TBC1D8: variants seen among roughly 807,000 people sequenced by gnomAD.
TBC1D8 encodes TBC1 domain family member 8.
Under a neutral mutation model 118.8 loss-of-function variants are expected in TBC1D8, and 65 were observed. That is an observed-to-expected ratio of 0.55 (90% CI 0.45 to 0.67). TBC1D8 has a LOEUF of 0.67. TBC1D8 is among the 30% of genes least tolerant of loss of function. TBC1D8 has a pLI of 0.00. For synonymous variants in TBC1D8, 566 were observed against 595.8 expected (o/e 0.95, Z 0.73); for missense variants, 1,376 against 1,471.2 (o/e 0.94, Z 1.06).
At chr2:101,042,187 G>A (rs1229059447) in intron 5 of TBC1D8, among the ~76,000 whole-genome samples, 1 of 152,086 alleles carries the variant, frequency 6.6e-6, no homozygotes, top group African/African-American at 2.4e-5. Flanking sequence ...TGATGAGGAG[G>A]AAAGAAGGAT....
intron 1 of TBC1D8, among the ~76,000 whole-genome samples, chr2:101,132,880 G>A (rs570624958): frequency 3.9e-5 from 6 of 152,024 alleles, no homozygotes; most frequent in Admixed American, 6.6e-5. Context: ...GATTACAGGC[G>A]TGAGCCACTG....
chr2:101,097,098 T>C (rs1676506126), intron 1 of TBC1D8, among the ~76,000 whole-genome samples: 1 of 151,962 alleles, frequency 6.6e-6, no homozygotes, highest in Non-Finnish European at 1.5e-5. Context: ...AAAAACAGCT[T>C]GAGGAACAAA....
At chr2:101,086,002 C>T (rs1425562521) in intron 2 of TBC1D8, among the ~76,000 whole-genome samples, 3 of 151,898 alleles carry the variant, frequency 2.0e-5, no homozygotes, top group Non-Finnish European at 4.4e-5. Flanking sequence ...ATTAGCTGGG[C>T]GTGGTGGCGG....
intron 2 of TBC1D8, among the ~76,000 whole-genome samples, chr2:101,077,581 A>C (rs1248817627): frequency 1.3e-5 from 2 of 152,118 alleles, no homozygotes; most frequent in African/African-American, 2.4e-5. Flanking sequence ...AGATCTCGTA[A>C]GAATTCACTC....
At chr2:101,126,812 T>C (rs1024119837) in intron 1 of TBC1D8, among the ~76,000 whole-genome samples, 7 of 152,184 alleles carry the variant, frequency 4.6e-5, no homozygotes, top group African/African-American at 1.4e-4. Context: ...ACAAGGTCAA[T>C]TGTAGAAAAC....
At chr2:101,021,892 T>C in intron 16 of TBC1D8, 146 bp from the exon 17 acceptor site, 1 of 641,508 alleles carries the variant, frequency 1.6e-6, no homozygotes, top group Admixed American at 2.7e-5. Flanking sequence ...ATGGTAGCAA[T>C]GAAAGTGTTA....
chr2:101,127,671 G>A (rs11683106), intron 1 of TBC1D8, among the ~76,000 whole-genome samples: 19,790 of 152,094 alleles, frequency 0.13, 1,452 homozygotes, highest in East Asian at 0.28. Context: ...CCAAAGTGCT[G>A]GGATTACAAA....
chr2:101,075,960 A>G (rs1464692606), intron 2 of TBC1D8, among the ~76,000 whole-genome samples: 1 of 152,202 alleles, frequency 6.6e-6, no homozygotes, highest in African/African-American at 2.4e-5. Context: ...ATGAAATGCT[A>G]AGAGCAGGGA....
intron 17 of TBC1D8, chr2:101,018,174 A>G (rs1679793642): frequency 5.0e-6 from 2 of 397,098 alleles, no homozygotes; most frequent in Non-Finnish European, 9.1e-6. Context: ...GTACTAATCT[A>G]TAATTATGTT....
At chr2:101,108,877 T>C (rs1170743116) in intron 1 of TBC1D8, among the ~76,000 whole-genome samples, 2 of 152,106 alleles carry the variant, frequency 1.3e-5, no homozygotes, top group East Asian at 1.9e-4. Context: ...AATGTAACAA[T>C]ATCAGTTCAT....
chr2:101,095,328 G>A (rs1676332050), intron 1 of TBC1D8, among the ~76,000 whole-genome samples: 1 of 149,892 alleles, frequency 6.7e-6, no homozygotes, highest in Non-Finnish European at 1.5e-5. Context: ...GTATACATGT[G>A]CCATGTTGGT....
intron 3 of TBC1D8, among the ~76,000 whole-genome samples, chr2:101,056,154 C>T (rs2166510): frequency 0.64 from 95,702 of 150,480 alleles, 30,869 homozygotes; most frequent in Middle Eastern, 0.75. Flanking sequence ...TTTTCAAAAT[C>T]AAACCCGAGC....
intron 5 of TBC1D8, among the ~76,000 whole-genome samples, chr2:101,050,032 T>A (rs1347271754): frequency 6.6e-6 from 1 of 152,082 alleles, no homozygotes; most frequent in Non-Finnish European, 1.5e-5. Context: ...TTTCACCATG[T>A]TAGGCAGGAT....
intron 2 of TBC1D8, among the ~76,000 whole-genome samples, chr2:101,076,401 G>A (rs1227085042): frequency 6.6e-6 from 1 of 152,220 alleles, no homozygotes. Context: ...ATAGGAGTGA[G>A]ACATCCAGAT....
At chr2:101,045,055 T>A (rs959042301) in intron 5 of TBC1D8, among the ~76,000 whole-genome samples, 2 of 152,100 alleles carry the variant, frequency 1.3e-5, no homozygotes, top group African/African-American at 4.8e-5. Context: ...TCTTAACACA[T>A]GCCATTGATG....
At chr2:101,070,351 T>G (rs1683243095) in intron 2 of TBC1D8, among the ~76,000 whole-genome samples, 2 of 151,590 alleles carry the variant, frequency 1.3e-5, no homozygotes, top group African/African-American at 4.8e-5. Flanking sequence ...TAAATACTAT[T>G]AAATATCTTG....
chr2:101,094,750 G>A (rs922664126), intron 1 of TBC1D8, among the ~76,000 whole-genome samples: 1 of 152,176 alleles, frequency 6.6e-6, no homozygotes, highest in Non-Finnish European at 1.5e-5. Context: ...AAAGCCACAG[G>A]GGTGCTTCCG....
chr2:101,024,687 A>G (rs909066202), intron 15 of TBC1D8, among the ~76,000 whole-genome samples: 1 of 152,082 alleles, frequency 6.6e-6, no homozygotes, highest in East Asian at 1.9e-4. Flanking sequence ...GATTACAGAC[A>G]TAAGCCACCG....
intron 19 of TBC1D8, 24 bp from the exon 20 acceptor site, chr2:101,008,297 TAGC>T (rs1469815342): frequency 6.7e-7 from 1 of 1,495,684 alleles, no homozygotes; most frequent in South Asian, 1.4e-5. Flanking sequence ...AAGTCTTAGG[TAGC>T]AGCAGAACCA....
Sources: allele counts gnomAD v4.1 joint callset (sites outside exome capture counted in the v4.1 genomes callset), GRCh38; gene constraint gnomAD v4.1.1; transcripts MANE v1.5; gene names NCBI Gene and HGNC (gene_info 2026-07-23, HGNC 2026-07-21).